CAMTA1: variants seen among roughly 807,000 people sequenced by gnomAD.
The protein encoded by CAMTA1 is calmodulin binding transcription activator 1, also known as calmodulin-binding transcription activator 1.
CAMTA1 carries 27 observed loss-of-function variants against 170.9 expected under a neutral mutation model. The observed-to-expected ratio is 0.16, with a 90% CI of 0.12 to 0.22. The LOEUF is 0.22. Ranked by LOEUF, CAMTA1 falls within the 10% of genes least tolerant of loss-of-function variation. CAMTA1 has a pLI of 1.00. For synonymous variants in CAMTA1, 833 were observed against 891.5 expected (o/e 0.93, Z 1.17); for missense variants, 1,619 against 2,217.2 (o/e 0.73, Z 5.42).
intron 3 of CAMTA1, among the ~76,000 whole-genome samples, chr1:7,078,166 G>A (rs1453685047): frequency 2.0e-5 from 3 of 152,236 alleles, no homozygotes; most frequent in Non-Finnish European, 2.9e-5. Context: ...GTGTGTGGCT[G>A]TCAGTGACAC....
At chr1:7,297,166 T>A (rs1264069413) in intron 5 of CAMTA1, among the ~76,000 whole-genome samples, 1 of 152,234 alleles carries the variant, frequency 6.6e-6, no homozygotes, top group Non-Finnish European at 1.5e-5. Context: ...CCAATTTTAA[T>A]CCATGAACAT....
intron 3 of CAMTA1, among the ~76,000 whole-genome samples, chr1:7,027,588 A>T (rs1197466610): frequency 6.6e-6 from 1 of 152,196 alleles, no homozygotes; most frequent in Admixed American, 6.5e-5. Flanking sequence ...TAGTGTTTGA[A>T]CCTGGCCTAA....
At chr1:7,499,962 G>A (rs1476111809) in intron 6 of CAMTA1, among the ~76,000 whole-genome samples, 3 of 147,116 alleles carry the variant, frequency 2.0e-5, no homozygotes, top group Non-Finnish European at 4.5e-5. Context: ...AGAGGACTGT[G>A]TGAGCCTGGT....
chr1:6,938,176 G>A (rs1026874688), intron 3 of CAMTA1, among the ~76,000 whole-genome samples: 3 of 152,198 alleles, frequency 2.0e-5, no homozygotes, highest in Non-Finnish European at 2.9e-5. Context: ...GAAAGGAGAC[G>A]TCAACTCTGT....
intron 6 of CAMTA1, among the ~76,000 whole-genome samples, chr1:7,586,271 G>C (rs892829169): frequency 3.3e-5 from 5 of 152,160 alleles, no homozygotes; most frequent in Non-Finnish European, 5.9e-5. Flanking sequence ...AGGGCTGGCT[G>C]TGGACGCACT....
intron 1 of CAMTA1, among the ~76,000 whole-genome samples, chr1:6,792,245 A>G (rs1406452676): frequency 6.6e-6 from 1 of 152,026 alleles, no homozygotes; most frequent in Non-Finnish European, 1.5e-5. Flanking sequence ...GGCATGAGCC[A>G]ATGTGCCTGG....
At position 6,812,617 on chromosome 1, in the gene CAMTA1, C is replaced by G. The variant is rs149917718; in HGVS notation, c.46-7564C>G. 3.8e-3 allele frequency among the ~76,000 whole-genome samples: 583 copies of G among 152,134 alleles called. 5 individuals are homozygous for G. Among genetic ancestry groups the G allele is most frequent in the African/African-American group, 0.013 (543 of 41,502 alleles). ...CAAATGTGGACATTTAGTAAGTGCT[C>G]TTTGATTATTTTCAGACTTTGAGTA... On this transcript the variant is annotated intron_variant, in intron 1 of 22. Coordinates refer to ENST00000303635, the MANE Select transcript of CAMTA1 (RefSeq NM_015215.4).
At chr1:7,728,576 T>C (rs1180941590) in intron 11 of CAMTA1, among the ~76,000 whole-genome samples, 1 of 152,160 alleles carries the variant, frequency 6.6e-6, no homozygotes, top group Non-Finnish European at 1.5e-5. Context: ...GCTATGGAGG[T>C]TTAAAATTCA....
chr1:7,175,253 G>A lies in CAMTA1; in HGVS notation c.303-74238G>A, dbSNP rs1033958039. On this transcript the variant is annotated intron_variant, in intron 4 of 22. Transcript: ENST00000303635. ...AGGGTCGTTGACATCTGGCCACGGT[G>A]CGGCTGGCAGTTTTAATGCCATAGA... 5.0e-4 allele frequency among the ~76,000 whole-genome samples: 68 copies of A among 135,032 alleles called. 1 individual carries two copies. The highest frequency in any genetic ancestry group is 1.8e-3 in the African/African-American group (66 of 37,624). The allele number at this position is 135,032 out of a possible 152,430, so 88.6% of individuals were successfully genotyped here. A position where few individuals can be genotyped will look rare whatever the true frequency, so the allele number is the denominator to read the frequency against.
At position 7,567,803 on chromosome 1, in the gene CAMTA1, T is replaced by A. The variant is rs190586907; in HGVS notation, c.511-72597T>A. Among the ~76,000 whole-genome samples the A allele has an allele frequency of 4.4e-3, 676 of 152,312 alleles. 3 individuals carry two copies. The highest frequency in any genetic ancestry group is 5.1e-3 in the Non-Finnish European group (346 of 68,022). ...GCCATGTATTTTATCCTGGGCTCAA[T>A]CACCACCCATTGAAAGGTGAAGAGA... On this transcript the variant is annotated intron_variant, in intron 6 of 22. Coordinates refer to ENST00000303635, the MANE Select transcript of CAMTA1 (RefSeq NM_015215.4).
chr1:6,842,757 A>G (rs1656378653), intron 3 of CAMTA1, among the ~76,000 whole-genome samples: 1 of 152,172 alleles, frequency 6.6e-6, no homozygotes, highest in Non-Finnish European at 1.5e-5. Context: ...CCACGTCTCT[A>G]TTAAAAATAC....
At chr1:7,285,527 C>T (rs1400213638) in intron 5 of CAMTA1, among the ~76,000 whole-genome samples, 1 of 152,198 alleles carries the variant, frequency 6.6e-6, no homozygotes, top group Non-Finnish European at 1.5e-5. Flanking sequence ...TCGCCTGTCT[C>T]ATGGCAGCTC....
At chr1:7,712,164 A>T (rs1483127796) in intron 11 of CAMTA1, among the ~76,000 whole-genome samples, 1 of 152,200 alleles carries the variant, frequency 6.6e-6, no homozygotes, top group African/African-American at 2.4e-5. Flanking sequence ...ACTTTGGTAA[A>T]TGGAAACAGT....
chr1:7,158,153 T>A (rs889486571), intron 4 of CAMTA1, among the ~76,000 whole-genome samples: 5 of 152,098 alleles, frequency 3.3e-5, no homozygotes, highest in Non-Finnish European at 7.4e-5. Context: ...AGCGAGACTC[T>A]GTCTCAAAAA....
chr1:6,794,820 T>A (rs534604444), intron 1 of CAMTA1, among the ~76,000 whole-genome samples: 2 of 152,082 alleles, frequency 1.3e-5, no homozygotes, highest in Non-Finnish European at 2.9e-5. Context: ...TTAATAGTTC[T>A]AAGTAAATCA....
intron 4 of CAMTA1, among the ~76,000 whole-genome samples, chr1:7,185,418 TAA>T (rs1653052930): frequency 6.6e-6 from 1 of 152,124 alleles, no homozygotes; most frequent in East Asian, 1.9e-4. Context: ...GGAGATGTGG[TAA>T]AAGACACAGA....
In CAMTA1 at chr1:7,585,311, G is replaced by A. The variant is rs1050945394; in HGVS notation, c.511-55089G>A. ...TTGCGGATAGAGTAGCCAAGAAGAG[G>A]CCTCTGCGGAGGGGCACCTGGCAGA... On this transcript the variant is annotated intron_variant, in intron 6 of 22. Coordinates refer to ENST00000303635, the MANE Select transcript of CAMTA1 (RefSeq NM_015215.4). This position sits in a 1 kb window ranked among gnomAD's most constrained non-coding sequence, Gnocchi z 4.8. Among the ~76,000 whole-genome samples the A allele has an allele frequency of 2.6e-5, 4 of 152,214 alleles. No individual in the cohort carries two copies. Among genetic ancestry groups the A allele is most frequent in the Admixed American group, 6.5e-5 (1 of 15,288 alleles).
At chr1:7,433,452 C>T (rs2092245915) in intron 5 of CAMTA1, among the ~76,000 whole-genome samples, 1 of 152,214 alleles carries the variant, frequency 6.6e-6, no homozygotes, top group Non-Finnish European at 1.5e-5. Flanking sequence ...GCCTTTGAGG[C>T]TCCCAAGGAC....
intron 3 of CAMTA1, among the ~76,000 whole-genome samples, chr1:6,826,946 A>G (rs1298090721): frequency 2.6e-5 from 4 of 152,230 alleles, no homozygotes; most frequent in Non-Finnish European, 5.9e-5. Context: ...TAAAACCTCT[A>G]AATTATTTAC....
Sources: gnomAD v4.1 joint callset for allele counts (sites outside exome capture counted in the v4.1 genomes callset) on GRCh38, gnomAD v4.1.1 for gene constraint, Gnocchi (gnomAD v3.1) non-coding constraint, MANE v1.5 for transcripts, NCBI Gene and HGNC (gene_info 2026-07-23, HGNC 2026-07-21) for gene names.